Variants in BMP1 observed in about 807,000 individuals in gnomAD.
BMP1 encodes bone morphogenetic protein 1.
Under a neutral mutation model 116.8 loss-of-function variants are expected in BMP1, and 63 were observed. The ratio of observed to expected loss-of-function variants is 0.54; its 90% CI spans 0.44 to 0.67. The LOEUF (loss-of-function observed/expected upper bound fraction) is 0.67. BMP1 is among the 30% of genes least tolerant of loss of function. The pLI is 0.00. For synonymous variants in BMP1, 536 were observed against 533.4 expected (o/e 1.00, Z -0.07); for missense variants, 1,183 against 1,358.9 (o/e 0.87, Z 2.04).
At position 22,201,929 on chromosome 8, in the gene BMP1, G is replaced by C. The variant is rs754100023; in HGVS notation, c.2233+1G>C. 6.2e-7 allele frequency: 1 copy of C among 1,610,930 alleles called. No individual in the cohort carries two copies. ...GACAACAAGCACGACTGCAAAGAAG[G>C]TACGGGCTGCATGCCAGGGGCATCT... On this transcript the variant is annotated splice_donor_variant, in intron 16 of 19. Coordinates refer to ENST00000306385, the MANE Select transcript of BMP1 (RefSeq NM_006129.5). LOFTEE classifies it high-confidence loss of function.
At chr8:22,185,245 G>A (rs922342104) in intron 8 of BMP1, among the ~76,000 whole-genome samples, 1 of 151,940 alleles carries the variant, frequency 6.6e-6, no homozygotes, top group Non-Finnish European at 1.5e-5. Context: ...TGAGGTCAGG[G>A]GTTTGAGACC....
Position 22,195,589 on chromosome 8 carries a change from T to C in BMP1, c.1765+2T>C. 6.2e-7 allele frequency: 1 copy of C among 1,610,698 alleles called. No homozygotes were observed. The highest frequency in any genetic ancestry group is 8.5e-7 in the Non-Finnish European group (1 of 1,179,364). ...CCCCAGACAAGCGCCGCTGTGAGGG[T>C]GAGTGCCCCCAGACTGCCTCTGACC... On this transcript the variant is annotated splice_donor_variant, in intron 13 of 19. Transcript: ENST00000306385. LOFTEE classifies it high-confidence loss of function.
At chr8:22,195,354 C>A in intron 12 of BMP1, 108 bp from the exon 13 acceptor site, 1 of 1,400,182 alleles carries the variant, frequency 7.1e-7, no homozygotes, top group Non-Finnish European at 9.6e-7. Flanking sequence ...GGGTTCCAGC[C>A]ATCGGGGAGC....
intron 15 of BMP1, chr8:22,201,318 C>A: frequency 6.6e-7 from 1 of 1,508,000 alleles, no homozygotes; most frequent in Non-Finnish European, 8.8e-7. Context: ...TCCGGCCCAC[C>A]TCCCTCTGGC....
In BMP1 at chr8:22,194,039, A is replaced by G; in HGVS notation, c.1181-19A>G. 1 of 1,604,456 alleles carries G rather than the reference A, an allele frequency of 6.2e-7. No homozygotes were observed. The highest frequency in any genetic ancestry group is 8.5e-7 in the Non-Finnish European group (1 of 1,171,272). On this transcript the variant is annotated intron_variant, in intron 9 of 19. Coordinates refer to ENST00000306385, the MANE Select transcript of BMP1 (RefSeq NM_006129.5). The surrounding 1 kb of genome is among the most constrained non-coding windows in gnomAD (Gnocchi z 4.5). ...TGTCCTCAGGGTTCACCACTCTTCC[A>G]TCCACACTGTCTGTGCAGGCCGCTT...
In BMP1 at chr8:22,207,556, CT is replaced by C. The variant is rs756317699; in HGVS notation, c.2575+41del. ...TGTGGGAGTGTTCACTGAGCCTGGTCTCCAAGACTGGGGTAGAGTCGGGGGT... is the reference window on the plus strand; with the variant it reads ...TGTGGGAGTGTTCACTGAGCCTGGTCCCAAGACTGGGGTAGAGTCGGGGGT... On this transcript the variant is annotated intron_variant, in intron 18 of 19. Coordinates refer to ENST00000306385, the MANE Select transcript of BMP1 (RefSeq NM_006129.5). The C allele has an allele frequency of 7.5e-6, 12 of 1,601,874 alleles. No individual in the cohort carries two copies. The Admixed American group carries it at 2.0e-4, about 27-fold the overall frequency.
intron 8 of BMP1, among the ~76,000 whole-genome samples, chr8:22,187,313 TTTAA>T (rs916032686): frequency 1.6e-4 from 24 of 150,752 alleles, no homozygotes; most frequent in Admixed American, 2.6e-4. Context: ...TTTTATTTAT[TTTAA>T]TTAATTAATT....
intron 16 of BMP1, among the ~76,000 whole-genome samples, chr8:22,205,776 G>A (rs1206500479): frequency 1.3e-5 from 2 of 152,076 alleles, no homozygotes; most frequent in Non-Finnish European, 2.9e-5. Context: ...ACCCATTTTT[G>A]TTTTTGTTTT....
chr8:22,206,015 T>C (rs1216724167), intron 16 of BMP1, among the ~76,000 whole-genome samples: 5 of 152,096 alleles, frequency 3.3e-5, no homozygotes, highest in Non-Finnish European at 7.3e-5. Context: ...GAGTCAGGTG[T>C]CAAAGTCCCC....
At chr8:22,200,668 A>G (rs1391686195) in intron 15 of BMP1, among the ~76,000 whole-genome samples, 1 of 152,106 alleles carries the variant, frequency 6.6e-6, no homozygotes, top group African/African-American at 2.4e-5. Flanking sequence ...CGGTACATCC[A>G]TGCACTGGGT....
intron 18 of BMP1, among the ~76,000 whole-genome samples, chr8:22,208,569 G>T (rs1313739476): frequency 6.6e-6 from 1 of 152,244 alleles, no homozygotes; most frequent in African/African-American, 2.4e-5. Context: ...CACAACCCCA[G>T]CCCAGCCCAG....
chr8:22,192,853 G>A (rs148757411), intron 9 of BMP1, among the ~76,000 whole-genome samples: 14 of 152,188 alleles, frequency 9.2e-5, no homozygotes, highest in Admixed American at 5.2e-4. Flanking sequence ...GGACGTGATC[G>A]TAAGGAGCTC....
At chr8:22,204,350 G>T (rs1221429048) in intron 16 of BMP1, among the ~76,000 whole-genome samples, 1 of 152,166 alleles carries the variant, frequency 6.6e-6, no homozygotes, top group Non-Finnish European at 1.5e-5. Context: ...CTCCCCACCA[G>T]TCATAGTGCC....
chr8:22,187,497 ATTTTTTTTTTT>A (rs768807192), intron 8 of BMP1, among the ~76,000 whole-genome samples: 3 of 104,458 alleles, frequency 2.9e-5, no homozygotes, highest in East Asian at 2.6e-4. Flanking sequence ...CGCCCGGCTA[ATTTTTTTTTTT>A]TTTTTTTTTT....
Position 22,194,798 on chromosome 8 carries a change from C to T in BMP1, c.1518C>T (p.Ile506=), listed in dbSNP as rs199671021. The T allele has an allele frequency of 5.6e-6, 9 of 1,613,628 alleles. No individual in the cohort carries two copies. The highest frequency in any genetic ancestry group is 4.0e-5 in the African/African-American group (3 of 74,878). The change falls in exon 12 of 20, where the codon ATC becomes ATT. Residue 506 remains isoleucine (I), a synonymous_variant. Transcript: ENST00000306385. This position sits in a 1 kb window ranked among gnomAD's most constrained non-coding sequence, Gnocchi z 4.5. The part of the protein sequence containing the change: ...RDGHSESSTL[I]GRYCGYEKPD... ...GGCACAGTGAGAGCAGCACCCTCATCGGGCGCTACTGTGGCTATGAGAAGC... is the reference window on the plus strand; with the variant it reads ...GGCACAGTGAGAGCAGCACCCTCATTGGGCGCTACTGTGGCTATGAGAAGC...
chr8:22,166,283 G>A (rs1375986582), intron 1 of BMP1, among the ~76,000 whole-genome samples: 2 of 152,006 alleles, frequency 1.3e-5, no homozygotes. Flanking sequence ...AAAATACAAA[G>A]AGAACCCAGA....
intron 1 of BMP1, among the ~76,000 whole-genome samples, chr8:22,172,154 G>A (rs999116186): frequency 2.0e-5 from 3 of 152,082 alleles, no homozygotes; most frequent in Admixed American, 6.5e-5. Context: ...TAACGCGACC[G>A]CCAGGCCTGT....
rs1282353356 is a variant in BMP1 at position 22,177,000 on chromosome 8, G to A, written c.591G>A (p.Gln197=). The A allele has an allele frequency of 1.2e-6, 2 of 1,612,634 alleles. No homozygotes were observed. Among genetic ancestry groups the A allele is most frequent in the Admixed American group, 3.3e-5 (2 of 59,950 alleles). Residue 197 remains glutamine (Q), a synonymous_variant, in exon 5 of 20, where the codon CAG becomes CAA. Coordinates refer to ENST00000306385, the MANE Select transcript of BMP1 (RefSeq NM_006129.5). ...TGGGTCGCCGCGGCGGGGGCCCCCA[G>A]GCCATCTCCATCGGCAAGAACTGTG... ...SYVGRRGGGP[Q]AISIGKNCDK... is the part of the protein sequence containing the mutation.
intron 1 of BMP1, among the ~76,000 whole-genome samples, chr8:22,165,878 C>CGTGGGTGTGTGTGT (rs1432185239): frequency 3.0e-5 from 2 of 67,710 alleles, no homozygotes; most frequent in African/African-American, 9.0e-5. Flanking sequence ...AACTCCTGTG[C>CGTGGGTGTGTGTGT]GTGCGTGTGT....
Sources: gnomAD v4.1 joint callset for allele counts (sites outside exome capture counted in the v4.1 genomes callset) on GRCh38, gnomAD v4.1.1 for gene constraint, Gnocchi (gnomAD v3.1) non-coding constraint, MANE v1.5 for transcripts, NCBI Gene and HGNC (gene_info 2026-07-23, HGNC 2026-07-21) for gene names.